The following BMP6 variants were observed in gnomAD, a reference collection of about 807,000 sequenced individuals.
The protein encoded by BMP6 is VG-1-R.
A neutral mutation model predicts 54.1 loss-of-function variants in BMP6; 17 were observed. That is an observed-to-expected ratio of 0.31 (90% CI 0.22 to 0.47). The LOEUF is 0.47. Ranked by LOEUF, BMP6 falls within the 20% of genes least tolerant of loss-of-function variation. The pLI, the probability that BMP6 is intolerant of heterozygous loss-of-function variation, is 1.00. For missense variants in BMP6, 720 were observed against 690.4 expected, an observed-to-expected ratio of 1.04 and a Z score of -0.48; for synonymous variants, 328 against 291.2, an observed-to-expected ratio of 1.13 and a Z score of -1.28.
intron 1 of BMP6, among the ~76,000 whole-genome samples, chr6:7,832,546 C>G (rs913190963): frequency 2.6e-5 from 4 of 152,044 alleles, no homozygotes; most frequent in Non-Finnish European, 5.9e-5. Context: ...TTTGTTACAG[C>G]AGCCCAAATG....
intron 1 of BMP6, among the ~76,000 whole-genome samples, chr6:7,825,551 T>C (rs1758681725): frequency 6.6e-6 from 1 of 151,952 alleles, no homozygotes; most frequent in South Asian, 2.1e-4. Flanking sequence ...TGAAACCCCA[T>C]CTCTACTAAA....
intron 1 of BMP6, among the ~76,000 whole-genome samples, chr6:7,834,854 A>G (rs1230361244): frequency 1.3e-5 from 2 of 152,218 alleles, no homozygotes; most frequent in Admixed American, 6.5e-5. Flanking sequence ...AGAAAGTCTA[A>G]TATATACCTA....
chr6:7,735,549 G>A (rs1247251705), intron 1 of BMP6, among the ~76,000 whole-genome samples: 1 of 152,158 alleles, frequency 6.6e-6, no homozygotes, highest in Non-Finnish European at 1.5e-5. Context: ...ATCGGAATAA[G>A]TTAACAACGG....
At chr6:7,821,503 C>A (rs969928789) in intron 1 of BMP6, among the ~76,000 whole-genome samples, 6 of 152,110 alleles carry the variant, frequency 3.9e-5, no homozygotes, top group Admixed American at 2.6e-4. Context: ...AACCCCATCT[C>A]TACAAAAAAA....
At position 7,764,424 on chromosome 6, in the gene BMP6, A is replaced by G. The variant is rs527823972; in HGVS notation, c.664+36805A>G. On this transcript the variant is annotated intron_variant, in intron 1 of 6. Coordinates refer to ENST00000283147, the MANE Select transcript of BMP6 (RefSeq NM_001718.6). ...TTTATATCAGTTATTGCTAATTTAT[A>G]TCAATTACTGCTAAGCTGAAGTTTT... is the stretch of plus-strand genomic sequence containing the variant. Among the ~76,000 whole-genome samples, 9 of 152,296 alleles carry G rather than the reference A, an allele frequency of 5.9e-5. No individual in the cohort carries two copies. In the South Asian group the frequency reaches 6.2e-4, roughly 11 times the overall value.
chr6:7,819,015 T>A (rs944741731), intron 1 of BMP6, among the ~76,000 whole-genome samples: 18 of 152,092 alleles, frequency 1.2e-4, no homozygotes. Flanking sequence ...ACATTGTTCA[T>A]AATGACAAGG....
chr6:7,736,087 T>G (rs1388632253), intron 1 of BMP6, among the ~76,000 whole-genome samples: 2 of 152,238 alleles, frequency 1.3e-5, no homozygotes, highest in Non-Finnish European at 2.9e-5. Flanking sequence ...TTATAGTGCT[T>G]CTATGTGTTG....
At chr6:7,748,445 C>T (rs564645486) in intron 1 of BMP6, among the ~76,000 whole-genome samples, 2 of 152,294 alleles carry the variant, frequency 1.3e-5, no homozygotes, top group African/African-American at 4.8e-5. Context: ...AAAAAGAAAA[C>T]TGGAACAGTT....
chr6:7,782,977 G>A (rs1757969744), intron 1 of BMP6, among the ~76,000 whole-genome samples: 1 of 152,176 alleles, frequency 6.6e-6, no homozygotes, highest in Admixed American at 6.5e-5. Flanking sequence ...GGCGGTCACT[G>A]ATCATTGAGA....
At chr6:7,795,028 T>C (rs1419278123) in intron 1 of BMP6, among the ~76,000 whole-genome samples, 1 of 152,138 alleles carries the variant, frequency 6.6e-6, no homozygotes, top group Non-Finnish European at 1.5e-5. Context: ...AACATTTATG[T>C]TTTTCCAGTT....
chr6:7,802,913 G>A (rs1758293021), intron 1 of BMP6, among the ~76,000 whole-genome samples: 3 of 152,204 alleles, frequency 2.0e-5, no homozygotes, highest in South Asian at 2.1e-4. Flanking sequence ...TTCGTTCACC[G>A]AATGCTCATA....
intron 1 of BMP6, among the ~76,000 whole-genome samples, chr6:7,815,494 T>G (rs1055824409): frequency 6.6e-6 from 1 of 152,210 alleles, no homozygotes; most frequent in African/African-American, 2.4e-5. Context: ...TGGCACATAA[T>G]AAATGTTTAA....
At chr6:7,814,300 A>G (rs996095505) in intron 1 of BMP6, among the ~76,000 whole-genome samples, 1 of 152,236 alleles carries the variant, frequency 6.6e-6, no homozygotes, top group Non-Finnish European at 1.5e-5. Context: ...TCAGGACATG[A>G]CATCTCATCA....
At chr6:7,732,315 A>C (rs1268078502) in intron 1 of BMP6, among the ~76,000 whole-genome samples, 3 of 152,232 alleles carry the variant, frequency 2.0e-5, no homozygotes, top group African/African-American at 7.2e-5. Context: ...TTTGAAATTC[A>C]GTGGCATTTC....
At chr6:7,784,200 CCTT>C (rs950981127) in intron 1 of BMP6, among the ~76,000 whole-genome samples, 9 of 152,184 alleles carry the variant, frequency 5.9e-5, no homozygotes, top group African/African-American at 2.2e-4. Context: ...AATAGTCTTT[CCTT>C]CTTCCCAGTT....
chr6:7,853,625 A>C (rs1358815614), intron 2 of BMP6, among the ~76,000 whole-genome samples: 1 of 152,164 alleles, frequency 6.6e-6, no homozygotes, highest in African/African-American at 2.4e-5. Flanking sequence ...AAGAAAACCA[A>C]AGCCTTTTAT....
chr6:7,815,758 G>T (rs1758515886), intron 1 of BMP6, among the ~76,000 whole-genome samples: 1 of 152,204 alleles, frequency 6.6e-6, no homozygotes, highest in South Asian at 2.1e-4. Context: ...GGAAGAAAAT[G>T]GCTTAATTCA....
intron 2 of BMP6, among the ~76,000 whole-genome samples, chr6:7,859,307 A>G (rs886579209): frequency 1.8e-5 from 2 of 110,594 alleles, no homozygotes; most frequent in African/African-American, 3.1e-5. Flanking sequence ...CAGCTGTGCT[A>G]CCCTCACGCT....
In BMP6 at chr6:7,735,717, T is replaced by TG. The variant is rs199659807; in HGVS notation, c.664+8099dup. Reference sequence around the variant, plus strand: ...ATCACCCAGCAGAATTTGGTATCTTTGTTGCAATTGATGAACTTATATGGA... The same window carrying TG: ...ATCACCCAGCAGAATTTGGTATCTTTGGTTGCAATTGATGAACTTATATGGA... On this transcript the variant is annotated intron_variant, in intron 1 of 6. Transcript: ENST00000283147. Among the ~76,000 whole-genome samples, 1,142 of 152,332 alleles carry TG rather than the reference T, an allele frequency of 7.5e-3. 5 individuals carry two copies. The highest frequency in any genetic ancestry group is 0.013 in the Non-Finnish European group (884 of 68,028).
Sources: gnomAD v4.1 joint callset for allele counts (sites outside exome capture counted in the v4.1 genomes callset) on GRCh38, gnomAD v4.1.1 for gene constraint, MANE v1.5 for transcripts, NCBI Gene and HGNC (gene_info 2026-07-23, HGNC 2026-07-21) for gene names.